RPA1: variants seen among roughly 807,000 people sequenced by gnomAD.
The protein encoded by RPA1 is replication protein A 70 kDa DNA-binding subunit.
A neutral mutation model predicts 83.0 loss-of-function variants in RPA1; 49 were observed. The observed-to-expected ratio is 0.59, with a 90% CI of 0.47 to 0.75. The LOEUF (loss-of-function observed/expected upper bound fraction) is 0.75. RPA1 is among the 30% of genes least tolerant of loss of function. The probability of loss-of-function intolerance (pLI) is 0.00; values close to 1 mark genes in which losing one functional copy is unlikely to be tolerated. For synonymous variants in RPA1, 279 were observed against 281.8 expected (o/e 0.99, Z 0.10); for missense variants, 693 against 776.1 (o/e 0.89, Z 1.27).
intron 15 of RPA1, among the ~76,000 whole-genome samples, chr17:1,894,297 C>T (rs935624325): frequency 6.6e-5 from 10 of 151,896 alleles, no homozygotes; most frequent in South Asian, 6.3e-4. Context: ...CTCCCTAGTA[C>T]CTGGGATTAC....
At chr17:1,846,900 A>G (rs1912285994) in intron 4 of RPA1, among the ~76,000 whole-genome samples, 1 of 152,126 alleles carries the variant, frequency 6.6e-6, no homozygotes. Flanking sequence ...ATAAATTATT[A>G]GATGTATAAT....
At position 1,830,026 on chromosome 17, in the gene RPA1, C is replaced by T. The variant is rs1407621024; in HGVS notation, c.-68C>T. 8.9e-6 allele frequency: 11 copies of T among 1,238,722 alleles called. No homozygotes were observed. The African/African-American group carries it at 1.4e-4, about 16-fold the overall frequency. The allele number at this position is 1,238,722 out of a possible 1,614,324, so 76.7% of individuals were successfully genotyped here. A position where few individuals can be genotyped will look rare whatever the true frequency, so the allele number is the denominator to read the frequency against. The stretch of plus-strand genomic sequence containing the variant: ...ACTTCTCGGGCCAATAACTGCGCAG[C>T]GCGCGGGACCCGGGTGGGGAAGCTG... On this transcript the variant is annotated 5_prime_UTR_variant, in exon 1 of 17. Transcript: ENST00000254719.
chr17:1,881,422 C>T (rs910448560), intron 12 of RPA1, among the ~76,000 whole-genome samples: 3 of 152,102 alleles, frequency 2.0e-5, no homozygotes, highest in Non-Finnish European at 4.4e-5. Context: ...ACATACTCCT[C>T]CTTTGTTTTG....
Position 1,879,089 on chromosome 17 carries a change from C to T in RPA1, c.759+28C>T, listed in dbSNP as rs891527926. The stretch of plus-strand genomic sequence containing the variant: ...ATGGCCGTGCTGACTTTAGAACTGA[C>T]ACCGCCTGGGGGTGGAGTGCGGATG... On this transcript the variant is annotated intron_variant, in intron 9 of 16. Transcript: ENST00000254719. 5.0e-6 allele frequency: 8 copies of T among 1,613,612 alleles called. No individual in the cohort carries two copies. The Admixed American group carries it at 5.0e-5, about 10-fold the overall frequency.
At chr17:1,881,376 C>G (rs546290105) in intron 12 of RPA1, among the ~76,000 whole-genome samples, 1 of 152,268 alleles carries the variant, frequency 6.6e-6, no homozygotes, top group African/African-American at 2.4e-5. Context: ...CCAGCTGTGT[C>G]TTAGGATTTA....
intron 5 of RPA1, among the ~76,000 whole-genome samples, chr17:1,864,895 T>C (rs1913122521): frequency 6.6e-6 from 1 of 152,040 alleles, no homozygotes. Context: ...GTGAGACTTG[T>C]CTCAAAAAAA....
intron 6 of RPA1, 97 bp downstream of exon 6, chr17:1,872,623 C>A: frequency 6.7e-7 from 1 of 1,501,022 alleles, no homozygotes; most frequent in Non-Finnish European, 9.1e-7. Context: ...TTTCCAAATG[C>A]CATTCATTAC....
At chr17:1,888,948 T>A in intron 14 of RPA1, 97 bp downstream of exon 14, 1 of 1,320,966 alleles carries the variant, frequency 7.6e-7, no homozygotes, top group Non-Finnish European at 1.0e-6. Context: ...AAAGCATTCC[T>A]GGTAGGAAGC....
chr17:1,835,250 G>A (rs1353469038), intron 1 of RPA1, among the ~76,000 whole-genome samples: 1 of 152,024 alleles, frequency 6.6e-6, no homozygotes, highest in Non-Finnish European at 1.5e-5. Flanking sequence ...CTGGGCTCAA[G>A]TGATCCTTCC....
rs1347534327 is a variant in RPA1 at position 1,861,132 on chromosome 17, C to T, written c.361+7943C>T. On this transcript the variant is annotated intron_variant, in intron 5 of 16. Transcript: ENST00000254719. ...TGGCCTCAGATCGTGTCCACACACACACACGGGCCAACCAGGACTCTGCTG... is the reference window on the plus strand; with the variant it reads ...TGGCCTCAGATCGTGTCCACACACATACACGGGCCAACCAGGACTCTGCTG... Among the ~76,000 whole-genome samples the T allele has an allele frequency of 2.6e-5, 4 of 152,334 alleles. No individual in the cohort carries two copies. In the South Asian group the frequency reaches 6.2e-4, roughly 24 times the overall value.
intron 7 of RPA1, among the ~76,000 whole-genome samples, chr17:1,876,690 A>G (rs1913586792): frequency 6.6e-6 from 1 of 152,220 alleles, no homozygotes; most frequent in Non-Finnish European, 1.5e-5. Flanking sequence ...CTGTGAAATT[A>G]TAAGTGGGGT....
intron 6 of RPA1, 67 bp downstream of exon 6, chr17:1,872,593 A>C (rs879316101): frequency 1.2e-4 from 195 of 1,576,906 alleles, no homozygotes; most frequent in Middle Eastern, 2.2e-4. Flanking sequence ...TTTGAAGTTG[A>C]ATCTGGGACT....
In RPA1 at chr17:1,883,872, A is replaced by G. The variant is rs986918738; in HGVS notation, c.1302A>G (p.Gly434=). 1.2e-6 allele frequency: 2 copies of G among 1,614,174 alleles called. No individual in the cohort carries two copies. The highest frequency in any genetic ancestry group is 1.3e-5 in the African/African-American group (1 of 75,038). ...CCATCTCTGATCTAAAGAGCGGCGG[A>G]GTCGGAGGGAGTAACACCAACTGGA... The part of the protein sequence containing the change: ...GVSISDLKSG[G]VGGSNTNWKT... The change falls in exon 13 of 17, where the codon GGA becomes GGG. Residue 434 remains glycine, a synonymous_variant. Transcript: ENST00000254719.
chr17:1,863,009 T>C (rs1016048084), intron 5 of RPA1, among the ~76,000 whole-genome samples: 8 of 151,320 alleles, frequency 5.3e-5, no homozygotes, highest in South Asian at 2.1e-4. Context: ...TGAGCCACCG[T>C]GCCCGGCCAA....
intron 13 of RPA1, 44 bp from the exon 14 acceptor site, chr17:1,888,631 C>A: frequency 6.4e-7 from 1 of 1,570,266 alleles, no homozygotes; most frequent in South Asian, 1.2e-5. Context: ...CGATCCTGGG[C>A]GGGCTCGCGA....
chr17:1,844,757 T>C, intron 4 of RPA1, 71 bp downstream of exon 4: 4 of 1,188,584 alleles, frequency 3.4e-6, no homozygotes, highest in Non-Finnish European at 4.8e-6. Flanking sequence ...AAAAAGGCAA[T>C]AGTGAGTTTT....
chr17:1,859,588 C>G (rs185190595), intron 5 of RPA1, among the ~76,000 whole-genome samples: 141 of 152,184 alleles, frequency 9.3e-4, no homozygotes, highest in African/African-American at 3.3e-3. Flanking sequence ...TTGAAGTCTG[C>G]TTTGATATTA....
chr17:1,862,840 C>T (rs556433232), intron 5 of RPA1, among the ~76,000 whole-genome samples: 3 of 149,486 alleles, frequency 2.0e-5, no homozygotes, highest in Admixed American at 1.4e-4. Flanking sequence ...GCCTCAGGCT[C>T]CCAAGTAGCT....
At chr17:1,878,185 A>G (rs1488877118) in intron 8 of RPA1, among the ~76,000 whole-genome samples, 1 of 152,204 alleles carries the variant, frequency 6.6e-6, no homozygotes, top group Non-Finnish European at 1.5e-5. Flanking sequence ...GAGCCAGCCA[A>G]GATTGCACCA....
Sources: gnomAD v4.1 joint callset for allele counts (sites outside exome capture counted in the v4.1 genomes callset) on GRCh38, gnomAD v4.1.1 for gene constraint, MANE v1.5 for transcripts, NCBI Gene and HGNC (gene_info 2026-07-23, HGNC 2026-07-21) for gene names.